The following KIAA1143 variants were observed in gnomAD, a reference collection of about 807,000 sequenced individuals.
KIAA1143 encodes the protein KIAA1143.
KIAA1143 carries 8 observed loss-of-function variants against 17.0 expected under a neutral mutation model. The ratio of observed to expected loss-of-function variants is 0.47; its 90% CI spans 0.28 to 0.85. KIAA1143 has a LOEUF of 0.85. KIAA1143 is among the 40% of genes least tolerant of loss of function. KIAA1143 has a pLI of 0.12. For missense variants in KIAA1143, 162 were observed against 183.3 expected (o/e 0.88, Z 0.67); for synonymous variants, 64 against 67.8 (o/e 0.94, Z 0.27).
chr3:44,756,386 C>T (rs887567005), intron 1 of KIAA1143, among the ~76,000 whole-genome samples: 1 of 152,020 alleles, frequency 6.6e-6, no homozygotes, highest in Non-Finnish European at 1.5e-5. Context: ...CATGGTGAAA[C>T]CCCCCGTCTC....
At position 44,751,247 on chromosome 3, in the gene KIAA1143, T is replaced by C. The variant is rs1413457588; in HGVS notation, c.*2094A>G. On this transcript the variant is annotated 3_prime_UTR_variant, in exon 3 of 3. Coordinates refer to ENST00000296121, the MANE Select transcript of KIAA1143 (RefSeq NM_020696.4). ...AATATTGTATGTCCCTAAATTAATA[T>C]AGCTCCCAACAACCAATCCCTCATT... 1 of 152,068 alleles carries C rather than the reference T, an allele frequency of 6.6e-6. No homozygotes were observed. The highest frequency in any genetic ancestry group is 6.6e-5 in the Admixed American group (1 of 15,264). The allele number at this position is 152,068 out of a possible 1,614,324, so 9.4% of individuals were successfully genotyped here.
At chr3:44,755,088 C>A (rs1243135899) in intron 1 of KIAA1143, among the ~76,000 whole-genome samples, 2 of 152,134 alleles carry the variant, frequency 1.3e-5, no homozygotes, top group Non-Finnish European at 2.9e-5. Flanking sequence ...GCCCCACTCC[C>A]ACAACTTAAC....
chr3:44,755,131 A>G (rs1449905822), intron 1 of KIAA1143, among the ~76,000 whole-genome samples: 1 of 152,232 alleles, frequency 6.6e-6, no homozygotes, highest in East Asian at 1.9e-4. Flanking sequence ...ACTTTAAGAT[A>G]TAGAATTATC....
intron 1 of KIAA1143, among the ~76,000 whole-genome samples, chr3:44,755,549 G>A (rs1044100092): frequency 1.3e-5 from 2 of 152,112 alleles, no homozygotes; most frequent in Non-Finnish European, 2.9e-5. Context: ...CAAGGTTTGA[G>A]TACTTGGAGA....
intron 2 of KIAA1143, 26 bp downstream of exon 2, chr3:44,754,197 GA>G (rs1474597820): frequency 1.2e-6 from 2 of 1,609,038 alleles, no homozygotes; most frequent in Non-Finnish European, 1.7e-6. Context: ...TAAATTGTTA[GA>G]AAAACCAGAT....
In KIAA1143 at chr3:44,752,526, T is replaced by C. The variant is rs1704904989; in HGVS notation, c.*815A>G. On this transcript the variant is annotated 3_prime_UTR_variant, in exon 3 of 3. Coordinates refer to ENST00000296121, the MANE Select transcript of KIAA1143 (RefSeq NM_020696.4). ...AGGCCTAATTAAGCACAGTGTTTAT[T>C]CTTCTCACTACCAAGAAGTCAGAGG... 6.6e-6 allele frequency: 1 copy of C among 152,162 alleles called. No homozygotes were observed. The highest frequency in any genetic ancestry group is 2.4e-5 in the African/African-American group (1 of 41,420). The allele number at this position is 152,162 out of a possible 1,614,324, so 9.4% of individuals were successfully genotyped here.
intron 2 of KIAA1143, 149 bp downstream of exon 2, chr3:44,754,075 C>T: frequency 2.9e-6 from 2 of 679,746 alleles, no homozygotes; most frequent in South Asian, 4.4e-5. Context: ...TAATAACTTG[C>T]TCAAGGTTAC....
chr3:44,757,866 C>T (rs1704999772), intron 1 of KIAA1143, among the ~76,000 whole-genome samples: 1 of 152,166 alleles, frequency 6.6e-6, no homozygotes, highest in South Asian at 2.1e-4. Context: ...TACTGGCATA[C>T]CTTGAAGATA....
chr3:44,753,505 C>A lies in KIAA1143; in HGVS notation c.301G>T (p.Val101Phe), dbSNP rs1410499873. ...TATTTTTCATCTGAGGGATGCTTGACTGGTTTTCGATATATGATTCTTCCA... is the reference window on the plus strand; with the variant it reads ...TATTTTTCATCTGAGGGATGCTTGAATGGTTTTCGATATATGATTCTTCCA... ...ADGRIIYRKP[V>F]KHPSDEKYSG... Residue 101 changes from valine (V) to phenylalanine (F), a missense_variant, in exon 3 of 3, where the codon GTC becomes TTC. Transcript: ENST00000296121. 1 of 1,612,522 alleles carries A rather than the reference C, an allele frequency of 6.2e-7. No homozygotes were observed. The highest frequency in any genetic ancestry group is 2.2e-5 in the East Asian group (1 of 44,820).
At chr3:44,758,257 T>G (rs1186527618) in intron 1 of KIAA1143, among the ~76,000 whole-genome samples, 3 of 152,184 alleles carry the variant, frequency 2.0e-5, no homozygotes, top group Non-Finnish European at 4.4e-5. Flanking sequence ...GCGGGGTGGC[T>G]GTGGCAATTT....
chr3:44,761,573 C>A lies in KIAA1143; in HGVS notation c.30G>T (p.Val10=), dbSNP rs1482151361. The A allele has an allele frequency of 6.2e-7, 1 of 1,613,702 alleles. No homozygotes were observed. Among genetic ancestry groups the A allele is most frequent in the Non-Finnish European group, 8.5e-7 (1 of 1,180,000 alleles). Residue 10 remains valine (V), a synonymous_variant, in exon 1 of 3, where the codon GTG becomes GTT. Coordinates refer to ENST00000296121, the MANE Select transcript of KIAA1143 (RefSeq NM_020696.4). MSKRNQVSY[V]RPAEPAFLAR... Reference sequence around the variant, plus strand: ...CCAGAAACGCCGGCTCGGCTGGCCGCACGTACGATACCTGGTTCCGCTTGC... The same window carrying A: ...CCAGAAACGCCGGCTCGGCTGGCCGAACGTACGATACCTGGTTCCGCTTGC...
Position 44,749,743 on chromosome 3 carries a change from T to C in KIAA1143, c.*3598A>G, listed in dbSNP as rs1316436934. On this transcript the variant is annotated 3_prime_UTR_variant, in exon 3 of 3. Transcript: ENST00000296121. ...CAGATAGAATAAAGGTTAATGTGAA[T>C]AAACAAAAACAAAGAGAATATGGGT... The C allele has an allele frequency of 6.6e-6, 1 of 152,226 alleles. No homozygotes were observed. Among genetic ancestry groups the C allele is most frequent in the African/African-American group, 2.4e-5 (1 of 41,466 alleles). The allele number at this position is 152,226 out of a possible 1,614,324, so 9.4% of individuals were successfully genotyped here.
At chr3:44,759,664 T>C (rs1158345535) in intron 1 of KIAA1143, among the ~76,000 whole-genome samples, 15 of 151,686 alleles carry the variant, frequency 9.9e-5, no homozygotes, top group Non-Finnish European at 1.5e-5. Context: ...GAGGCTAAAG[T>C]GGGAGGATTG....
At chr3:44,760,279 G>C (rs556823676) in intron 1 of KIAA1143, among the ~76,000 whole-genome samples, 15 of 152,330 alleles carry the variant, frequency 9.8e-5, no homozygotes, top group Non-Finnish European at 1.8e-4. Context: ...TCATTCATGT[G>C]TTCAATACTG....
intron 1 of KIAA1143, among the ~76,000 whole-genome samples, chr3:44,760,779 G>A (rs761884056): frequency 2.8e-5 from 4 of 145,412 alleles, no homozygotes; most frequent in South Asian, 2.2e-4. Context: ...TCCACCTCCC[G>A]GGTTCGAGCG....
rs1166453608 is a variant in KIAA1143, at chr3:44,749,260, G to A, written c.*4081C>T. ...AAAAATTAGCCGGGCGTGGTGGCGG[G>A]CGACTGTAGTCCCAGATACTTGGGA... On this transcript the variant is annotated 3_prime_UTR_variant, in exon 3 of 3. Coordinates refer to ENST00000296121, the MANE Select transcript of KIAA1143 (RefSeq NM_020696.4). 6.6e-6 allele frequency: 1 copy of A among 152,158 alleles called. No homozygotes were observed. The highest frequency in any genetic ancestry group is 2.4e-5 in the African/African-American group (1 of 41,406). 9.4% of individuals were successfully genotyped at this position (152,158 alleles called of 1,614,324 possible).
At chr3:44,757,123 G>A (rs2125880398) in intron 1 of KIAA1143, among the ~76,000 whole-genome samples, 1 of 152,334 alleles carries the variant, frequency 6.6e-6, no homozygotes, top group Non-Finnish European at 1.5e-5. Context: ...ATTCCAAGCT[G>A]TAACCTTCAA....
rs113239437 is a variant in KIAA1143 at position 44,752,637 on chromosome 3, G to GC, written c.*703dup. 1.3e-5 allele frequency: 2 copies of GC among 151,746 alleles called. No homozygotes were observed. The highest frequency in any genetic ancestry group is 4.8e-5 in the African/African-American group (2 of 41,438). 9.4% of individuals were successfully genotyped at this position (151,746 alleles called of 1,614,324 possible). On this transcript the variant is annotated 3_prime_UTR_variant, in exon 3 of 3. Coordinates refer to ENST00000296121, the MANE Select transcript of KIAA1143 (RefSeq NM_020696.4). ...AGTCTTTTTACTAACATGACCCAAA[G>GC]CACATGGCTGCCTTCCTTATGCCTA...
At chr3:44,753,583 C>T (rs752170207) in intron 2 of KIAA1143, 31 bp from the exon 3 acceptor site, 19 of 1,584,354 alleles carry the variant, frequency 1.2e-5, no homozygotes, top group Non-Finnish European at 1.5e-5. Context: ...TAAGAACTTT[C>T]TTCTCCTCAT....
Sources: allele counts gnomAD v4.1 joint callset (sites outside exome capture counted in the v4.1 genomes callset), GRCh38; gene constraint gnomAD v4.1.1; transcripts MANE v1.5; gene names NCBI Gene and HGNC (gene_info 2026-07-23, HGNC 2026-07-21).